SLIT2: variants seen among roughly 807,000 people sequenced by gnomAD.
The protein encoded by SLIT2 is slit homolog 2 protein.
Under a neutral mutation model 185.7 loss-of-function variants are expected in SLIT2, and 41 were observed. That is an observed-to-expected ratio of 0.22 (90% CI 0.17 to 0.29). The LOEUF (loss-of-function observed/expected upper bound fraction) is 0.29. SLIT2 is among the 10% of genes least tolerant of loss of function. SLIT2 has a pLI of 1.00. For missense variants in SLIT2, 1,571 were observed against 1,909.0 expected (o/e 0.82, Z 3.30); for synonymous variants, 693 against 680.2 (o/e 1.02, Z -0.29).
rs1725522711 is a variant in SLIT2 at position 20,570,735 on chromosome 4, A to ATATATATATATATATATATATATATATG, written c.3088+1758_3088+1759insGTATATATATATATATATATATATATAT. On this transcript the variant is annotated intron_variant, in intron 29 of 36. Transcript: ENST00000504154. The stretch of plus-strand genomic sequence containing the variant: ...GGAATATATATATATATATATGTAT[A>ATATATATATATATATATATATATATATG]TATATATATATATATATATATATAT... Among the ~76,000 whole-genome samples, 9 of 19,836 alleles carry ATATATATATATATATATATATATATATG rather than the reference A, an allele frequency of 4.5e-4. No individual in the cohort carries two copies. The South Asian group carries it at 7.2e-3, about 16-fold the overall frequency. 13.0% of individuals were successfully genotyped at this position (19,836 alleles called of 152,430 possible).
chr4:20,272,295 A>G (rs1713712614), intron 4 of SLIT2, among the ~76,000 whole-genome samples: 1 of 151,788 alleles, frequency 6.6e-6, no homozygotes, highest in South Asian at 2.1e-4. Context: ...ATAAGCCAGC[A>G]TGAAGTTTTC....
chr4:20,595,760 C>A lies in SLIT2; in HGVS notation c.3246C>A (p.Asp1082Glu). The change falls in exon 31 of 37, where the codon GAC becomes GAA. Residue 1082 changes from aspartate (D) to glutamate (E), a missense_variant. Around this residue, in one of 3 missense-constraint regions of SLIT2, gnomAD observed 1,202 missense variants for 1,416.4 expected, o/e 0.85. Coordinates refer to ENST00000504154, the MANE Select transcript of SLIT2 (RefSeq NM_004787.4). Reference protein sequence around the residue: ...HCDIDFDDCQDNKCKNGAHCT... With the variant: ...HCDIDFDDCQENKCKNGAHCT... ...ACATCGATTTTGACGACTGCCAAGA[C>A]AACAAGTGTAAAAACGGAGCCCACT... is the stretch of plus-strand genomic sequence containing the variant. The A allele has an allele frequency of 6.2e-7, 1 of 1,614,086 alleles. No homozygotes were observed. The highest frequency in any genetic ancestry group is 8.5e-7 in the Non-Finnish European group (1 of 1,179,982).
chr4:20,444,273 A>G lies in SLIT2; in HGVS notation c.396-23479A>G, dbSNP rs1489005174. Among the ~76,000 whole-genome samples, 7 of 152,192 alleles carry G rather than the reference A, an allele frequency of 4.6e-5. No individual in the cohort carries two copies. The East Asian group carries it at 1.3e-3, about 29-fold the overall frequency. On this transcript the variant is annotated intron_variant, in intron 4 of 36. Coordinates refer to ENST00000504154, the MANE Select transcript of SLIT2 (RefSeq NM_004787.4). Reference sequence around the variant, plus strand: ...GCCATTGTGGCAAATGGAAACGGATAAAAATAGGCTCATTTAAGGAGAATT... The same window carrying G: ...GCCATTGTGGCAAATGGAAACGGATGAAAATAGGCTCATTTAAGGAGAATT...
At chr4:20,445,180 T>C (rs1711624336) in intron 4 of SLIT2, among the ~76,000 whole-genome samples, 1 of 152,200 alleles carries the variant, frequency 6.6e-6, no homozygotes, top group Non-Finnish European at 1.5e-5. Context: ...TATTAAATTA[T>C]CTGCTATTAA....
intron 4 of SLIT2, among the ~76,000 whole-genome samples, chr4:20,383,501 C>A (rs934101927): frequency 3.9e-5 from 6 of 152,072 alleles, no homozygotes; most frequent in African/African-American, 1.4e-4. Flanking sequence ...ATGAAAGTTA[C>A]AAATGCAATG....
At chr4:20,298,664 A>C (rs1007484840) in intron 4 of SLIT2, among the ~76,000 whole-genome samples, 1 of 152,168 alleles carries the variant, frequency 6.6e-6, no homozygotes, top group Non-Finnish European at 1.5e-5. Flanking sequence ...AGTGTTCTAA[A>C]TGGTACAGTT....
rs1454018394 is a variant in SLIT2, at chr4:20,619,762, T to TCTCATGGCCCTAAA, written c.*754_*755insTCATGGCCCTAAAC. On this transcript the variant is annotated 3_prime_UTR_variant, in exon 37 of 37. Transcript: ENST00000504154. ...AGTTCTAAACAGCCCTATACAGTAT[T>TCTCATGGCCCTAAA]CAGTTTCCATGAGAAATATTTATTG... 2.6e-5 allele frequency: 4 copies of TCTCATGGCCCTAAA among 152,122 alleles called. No homozygotes were observed. Among genetic ancestry groups the TCTCATGGCCCTAAA allele is most frequent in the African/African-American group, 9.7e-5 (4 of 41,414 alleles). 9.4% of individuals were successfully genotyped at this position (152,122 alleles called of 1,614,324 possible).
intron 4 of SLIT2, among the ~76,000 whole-genome samples, chr4:20,328,657 C>T (rs553864699): frequency 1.3e-5 from 2 of 151,822 alleles, no homozygotes; most frequent in Non-Finnish European, 2.9e-5. Flanking sequence ...ATTTTTAAAA[C>T]GTTATTAGAT....
At chr4:20,306,912 T>TA (rs987133139) in intron 4 of SLIT2, among the ~76,000 whole-genome samples, 2 of 152,024 alleles carry the variant, frequency 1.3e-5, no homozygotes, top group Non-Finnish European at 2.9e-5. Flanking sequence ...TTTTCTATCT[T>TA]AAAAAAATAT....
At position 20,529,148 on chromosome 4, in the gene SLIT2, G is replaced by A. The variant is rs200550946; in HGVS notation, c.1613+49G>A. ...TCTGGTTGGGATGGAGGGAATGAAAGCATTAAAGCATAAGAATGTTTGTCT... is the reference window on the plus strand; with the variant it reads ...TCTGGTTGGGATGGAGGGAATGAAAACATTAAAGCATAAGAATGTTTGTCT... On this transcript the variant is annotated intron_variant, in intron 16 of 36. Transcript: ENST00000504154. 3.6e-6 allele frequency: 5 copies of A among 1,397,392 alleles called. No individual in the cohort carries two copies. In the East Asian group the frequency reaches 7.0e-5, roughly 20 times the overall value. 86.6% of individuals were successfully genotyped at this position (1,397,392 alleles called of 1,614,324 possible). A position where few individuals can be genotyped will look rare whatever the true frequency, so the allele number is the denominator to read the frequency against.
intron 4 of SLIT2, among the ~76,000 whole-genome samples, chr4:20,447,697 C>A (rs551832346): frequency 6.6e-6 from 1 of 152,048 alleles, no homozygotes; most frequent in Non-Finnish European, 1.5e-5. Flanking sequence ...ATATTGTCTG[C>A]GTTTGTCAAG....
At chr4:20,267,768 C>T in intron 3 of SLIT2, among the ~76,000 whole-genome samples, 1 of 151,772 alleles carries the variant, frequency 6.6e-6, no homozygotes. Flanking sequence ...GATTGATATG[C>T]CCTCTTTTCC....
chr4:20,353,910 A>T (rs773605079), intron 4 of SLIT2, among the ~76,000 whole-genome samples: 6 of 152,210 alleles, frequency 3.9e-5, no homozygotes, highest in Non-Finnish European at 7.3e-5. Flanking sequence ...AGTTTTTGGT[A>T]ACACTGCTCA....
intron 4 of SLIT2, among the ~76,000 whole-genome samples, chr4:20,401,749 C>T (rs540433035): frequency 1.6e-4 from 25 of 151,928 alleles, no homozygotes; most frequent in African/African-American, 4.8e-4. Flanking sequence ...CCTAACCTCA[C>T]GATTCTTCAT....
At chr4:20,616,693 T>C (rs973368726) in intron 34 of SLIT2, 7 of 457,222 alleles carry the variant, frequency 1.5e-5, no homozygotes, top group Non-Finnish European at 2.4e-5. Context: ...TATTTTATTC[T>C]AGTTGTGGAT....
At chr4:20,319,341 A>G (rs1718850544) in intron 4 of SLIT2, among the ~76,000 whole-genome samples, 1 of 152,196 alleles carries the variant, frequency 6.6e-6, no homozygotes, top group South Asian at 2.1e-4. Context: ...TAAAAGTATA[A>G]AGACTTTTAA....
intron 4 of SLIT2, among the ~76,000 whole-genome samples, chr4:20,341,555 A>G (rs1720965537): frequency 6.6e-6 from 1 of 152,198 alleles, no homozygotes; most frequent in African/African-American, 2.4e-5. Context: ...GAGTGGAGAA[A>G]TCCATCTGCG....
chr4:20,419,320 A>G (rs1048571113), intron 4 of SLIT2, among the ~76,000 whole-genome samples: 2 of 152,326 alleles, frequency 1.3e-5, no homozygotes, highest in Non-Finnish European at 2.9e-5. Context: ...GTGCTTACAT[A>G]CATGTACACA....
intron 4 of SLIT2, among the ~76,000 whole-genome samples, chr4:20,408,472 G>A (rs1371802589): frequency 2.0e-5 from 3 of 152,008 alleles, no homozygotes; most frequent in African/African-American, 7.3e-5. Context: ...CCTCTACTAT[G>A]CCCAGATCTC....
Sources: allele counts gnomAD v4.1 joint callset (sites outside exome capture counted in the v4.1 genomes callset), GRCh38; gene constraint gnomAD v4.1.1; regional missense constraint gnomAD v4.1.1; transcripts MANE v1.5; gene names NCBI Gene and HGNC (gene_info 2026-07-23, HGNC 2026-07-21).